The following PSD3 variants were observed in gnomAD, a reference collection of about 807,000 sequenced individuals.
PSD3 encodes pleckstrin and Sec7 domain containing 3.
PSD3 carries 49 observed loss-of-function variants against 105.5 expected under a neutral mutation model. The observed-to-expected ratio is 0.46, with a 90% confidence interval of 0.37 to 0.59. PSD3 has a LOEUF of 0.59. PSD3 is among the 20% of genes least tolerant of loss of function. The pLI is 0.00. For synonymous variants in PSD3, 557 were observed against 457.8 expected (o/e 1.22, Z -2.77); for missense variants, 1,561 against 1,263.8 (o/e 1.24, Z -3.57).
chr8:18,728,017 G>A (rs1803460343), intron 9 of PSD3, among the ~76,000 whole-genome samples: 1 of 151,514 alleles, frequency 6.6e-6, no homozygotes, highest in African/African-American at 2.4e-5. Flanking sequence ...CTGAAGACTG[G>A]ACCCTTAAAT....
At chr8:18,609,475 A>G (rs950922566) in intron 11 of PSD3, among the ~76,000 whole-genome samples, 1 of 152,256 alleles carries the variant, frequency 6.6e-6, no homozygotes, top group Non-Finnish European at 1.5e-5. Context: ...CTGTACTAAT[A>G]TAAGTGAGAC....
At chr8:18,742,567 GC>G (rs1804659758) in intron 9 of PSD3, among the ~76,000 whole-genome samples, 1 of 152,110 alleles carries the variant, frequency 6.6e-6, no homozygotes, top group South Asian at 2.1e-4. Context: ...ATCATAGATA[GC>G]TTTTGTGAAG....
chr8:18,745,694 C>T (rs1279122637), intron 9 of PSD3, among the ~76,000 whole-genome samples: 1 of 152,216 alleles, frequency 6.6e-6, no homozygotes, highest in East Asian at 1.9e-4. Context: ...GCTTCTAGAT[C>T]CGCTCGGCAG....
chr8:18,970,349 C>G (rs113547773), intron 1 of PSD3, among the ~76,000 whole-genome samples: 49,409 of 110,400 alleles, frequency 0.45, 9,844 homozygotes, highest in Non-Finnish European at 0.48. Flanking sequence ...AAAAAAAAAA[C>G]AAAGAAAAGA....
At chr8:18,613,592 G>C (rs1160810822) in intron 11 of PSD3, among the ~76,000 whole-genome samples, 1 of 152,028 alleles carries the variant, frequency 6.6e-6, no homozygotes, top group African/African-American at 2.4e-5. Context: ...GAATCTTAAT[G>C]AATGATACCT....
At chr8:19,043,926 C>T (rs760176357) in intron 1 of PSD3, among the ~76,000 whole-genome samples, 5 of 152,194 alleles carry the variant, frequency 3.3e-5, no homozygotes, top group Admixed American at 6.5e-5. Context: ...CTGATATTTT[C>T]TGCAGGATCT....
At chr8:18,636,111 T>C (rs1807232666) in intron 10 of PSD3, among the ~76,000 whole-genome samples, 1 of 152,174 alleles carries the variant, frequency 6.6e-6, no homozygotes, top group African/African-American at 2.4e-5. Context: ...TGCACGCCCC[T>C]GAAGACCTTC....
chr8:19,024,826 A>G (rs1827486781), intron 1 of PSD3, among the ~76,000 whole-genome samples: 1 of 151,726 alleles, frequency 6.6e-6, no homozygotes, highest in Non-Finnish European at 1.5e-5. Flanking sequence ...GGGCATGAAA[A>G]CCCTGAAGCA....
intron 9 of PSD3, among the ~76,000 whole-genome samples, chr8:18,690,474 C>G (rs932608277): frequency 6.6e-5 from 10 of 152,162 alleles, no homozygotes; most frequent in Non-Finnish European, 1.3e-4. Flanking sequence ...CCAGCTAATA[C>G]TTTTCTAGTC....
intron 2 of PSD3, among the ~76,000 whole-genome samples, chr8:18,921,663 T>C (rs936085839): frequency 6.6e-6 from 1 of 152,186 alleles, no homozygotes; most frequent in Non-Finnish European, 1.5e-5. Context: ...AAAATCCATC[T>C]CTGGATGCTA....
chr8:19,019,001 T>C (rs1827270560), intron 1 of PSD3, among the ~76,000 whole-genome samples: 1 of 152,214 alleles, frequency 6.6e-6, no homozygotes, highest in South Asian at 2.1e-4. Context: ...TTCACCATGT[T>C]GGACAGGATA....
chr8:18,932,373 CAG>C (rs1177036891), intron 2 of PSD3, among the ~76,000 whole-genome samples: 2 of 152,176 alleles, frequency 1.3e-5, no homozygotes, highest in African/African-American at 2.4e-5. Context: ...TAATTACAGT[CAG>C]AGAGTTTCAA....
At chr8:18,743,508 G>A (rs1804740188) in intron 9 of PSD3, among the ~76,000 whole-genome samples, 1 of 152,044 alleles carries the variant, frequency 6.6e-6, no homozygotes, top group East Asian at 1.9e-4. Context: ...CTCCTTGGTG[G>A]GTCCAGTCTT....
intron 1 of PSD3, among the ~76,000 whole-genome samples, chr8:19,052,655 G>A (rs914091913): frequency 2.6e-5 from 4 of 152,040 alleles, no homozygotes; most frequent in Admixed American, 1.3e-4. Flanking sequence ...CAGCTAATTC[G>A]GAAGTCCAAG....
In PSD3 at chr8:18,872,217, T is replaced by G; in HGVS notation, c.647A>C (p.Asp216Ala). 1 of 1,614,184 alleles carries G rather than the reference T, an allele frequency of 6.2e-7. No homozygotes were observed. The highest frequency in any genetic ancestry group is 1.1e-5 in the South Asian group (1 of 91,086). The stretch of plus-strand genomic sequence containing the variant: ...GTCTCCAGTTAACAGCGCGGTGAGA[T>G]CTTTCTGGATGCTCAAATAAAAACT... ...EESFYLSIQK[D>A]LTALLTGDTQ... The change falls in exon 3 of 16, where the codon GAT (aspartate) becomes GCT (alanine). Residue 216 changes from aspartate to alanine, a missense_variant. Physicochemically the swap from Asp to Ala is moderately radical, Grantham distance 126. Coordinates refer to ENST00000327040, the MANE Select transcript of PSD3 (RefSeq NM_015310.4).
chr8:19,083,109 T>A (rs1300417362), intron 1 of PSD3, among the ~76,000 whole-genome samples: 1 of 152,126 alleles, frequency 6.6e-6, no homozygotes, highest in Non-Finnish European at 1.5e-5. Flanking sequence ...TTCCCTGAGA[T>A]TCCTGTCCAT....
chr8:18,747,298 A>G (rs1407984488), intron 9 of PSD3, among the ~76,000 whole-genome samples: 1 of 152,248 alleles, frequency 6.6e-6, no homozygotes, highest in South Asian at 2.1e-4. Flanking sequence ...TATTACAAAC[A>G]AGGAAAATAT....
intron 1 of PSD3, among the ~76,000 whole-genome samples, chr8:19,021,718 A>G (rs192699087): frequency 8.1e-4 from 124 of 152,310 alleles, no homozygotes; most frequent in Admixed American, 4.3e-3. Flanking sequence ...TTCCCCTGGC[A>G]TTATGTAAAA....
intron 3 of PSD3, 68 bp from the exon 4 acceptor site, chr8:18,868,137 A>G (rs1817089113): frequency 1.4e-6 from 2 of 1,456,830 alleles, no homozygotes; most frequent in South Asian, 1.4e-5. Flanking sequence ...CACTTCAACC[A>G]TATAAAAAGG....
Sources: gnomAD v4.1 joint callset for allele counts (sites outside exome capture counted in the v4.1 genomes callset) on GRCh38, gnomAD v4.1.1 for gene constraint, MANE v1.5 for transcripts, NCBI Gene and HGNC (gene_info 2026-07-23, HGNC 2026-07-21) for gene names.